The following GALNT17 variants were observed in gnomAD, a reference collection of about 807,000 sequenced individuals.
GALNT17 encodes polypeptide N-acetylgalactosaminyltransferase 17.
In GALNT17, 29 loss-of-function variants were observed where a neutral mutation model predicts 63.7. The ratio of observed to expected loss-of-function variants is 0.46; its 90% CI spans 0.34 to 0.62. The LOEUF (loss-of-function observed/expected upper bound fraction) is 0.62, where lower values mean the gene tolerates loss of function less well. Ranked by LOEUF, GALNT17 falls within the 20% of genes least tolerant of loss-of-function variation. The pLI, the probability that GALNT17 is intolerant of heterozygous loss-of-function variation, is 0.01. For missense variants in GALNT17, 603 were observed against 799.6 expected (o/e 0.75, Z 2.97); for synonymous variants, 305 against 318.3 (o/e 0.96, Z 0.45).
chr7:71,253,578 C>T (rs182017227), intron 1 of GALNT17, among the ~76,000 whole-genome samples: 11 of 150,990 alleles, frequency 7.3e-5, no homozygotes, highest in African/African-American at 1.7e-4. Flanking sequence ...TAAATATAGA[C>T]GTCCCCAAAC....
At chr7:71,476,983 G>A (rs770023772) in intron 5 of GALNT17, among the ~76,000 whole-genome samples, 7 of 152,230 alleles carry the variant, frequency 4.6e-5, no homozygotes, top group Non-Finnish European at 7.4e-5. Context: ...GGTGGATCTC[G>A]TGGTGTTACC....
chr7:71,362,727 T>G (rs1436611623), intron 2 of GALNT17, among the ~76,000 whole-genome samples: 2 of 152,108 alleles, frequency 1.3e-5, no homozygotes, highest in Admixed American at 1.3e-4. Flanking sequence ...TTTGTGTATA[T>G]TTTTACGGGA....
At chr7:71,284,154 G>A (rs1189167108) in intron 1 of GALNT17, 1 of 152,994 alleles carries the variant, frequency 6.5e-6, no homozygotes, top group East Asian at 1.9e-4. Context: ...CGCCGCCTTT[G>A]AGATGTAACA....
chr7:71,528,458 C>G (rs1584027504), intron 5 of GALNT17, among the ~76,000 whole-genome samples: 1 of 152,226 alleles, frequency 6.6e-6, no homozygotes, highest in Non-Finnish European at 1.5e-5. Context: ...TGCCCATGTT[C>G]CATGTCATCT....
chr7:71,285,174 AT>A (rs1165585456), intron 1 of GALNT17, among the ~76,000 whole-genome samples: 16 of 152,202 alleles, frequency 1.1e-4, no homozygotes, highest in African/African-American at 3.6e-4. Flanking sequence ...TAACTACCGA[AT>A]ACACCTTTCT....
At chr7:71,395,421 C>A (rs1160138512) in intron 3 of GALNT17, among the ~76,000 whole-genome samples, 1 of 152,042 alleles carries the variant, frequency 6.6e-6, no homozygotes, top group Non-Finnish European at 1.5e-5. Context: ...GTACTTCATT[C>A]TTTTTATGAC....
chr7:71,199,584 C>T (rs116313648), intron 1 of GALNT17, among the ~76,000 whole-genome samples: 3,662 of 144,348 alleles, frequency 0.025, 188 homozygotes, highest in African/African-American at 0.09. Flanking sequence ...CCCTTCTGCT[C>T]ATTAATCCAT....
intron 1 of GALNT17, among the ~76,000 whole-genome samples, chr7:71,289,873 C>T (rs1263017024): frequency 2.1e-5 from 3 of 145,610 alleles, no homozygotes; most frequent in East Asian, 2.2e-4. Context: ...GAGCAAAACC[C>T]CGTCTCAAAA....
At chr7:71,410,895 A>G (rs1434764906) in intron 3 of GALNT17, among the ~76,000 whole-genome samples, 1 of 152,192 alleles carries the variant, frequency 6.6e-6, no homozygotes, top group African/African-American at 2.4e-5. Context: ...TAAAAAACAC[A>G]ATGGTTCCCA....
chr7:71,437,547 C>T (rs934202916), intron 5 of GALNT17, among the ~76,000 whole-genome samples: 12 of 152,150 alleles, frequency 7.9e-5, no homozygotes, highest in African/African-American at 2.7e-4. Context: ...GTCGGCTCTG[C>T]GTGGCCGTCC....
chr7:71,674,663 A>G (rs1791121367), intron 8 of GALNT17, among the ~76,000 whole-genome samples: 1 of 151,976 alleles, frequency 6.6e-6, no homozygotes, highest in Admixed American at 6.6e-5. Flanking sequence ...CTACAAACAC[A>G]TGCCACCATG....
chr7:71,228,730 T>C (rs1338710667), intron 1 of GALNT17, among the ~76,000 whole-genome samples: 2 of 152,186 alleles, frequency 1.3e-5, no homozygotes, highest in East Asian at 3.9e-4. Context: ...TTCCCCTGCC[T>C]CCTTATAAAA....
intron 7 of GALNT17, among the ~76,000 whole-genome samples, chr7:71,665,973 G>A (rs916094344): frequency 2.6e-5 from 4 of 152,074 alleles, no homozygotes; most frequent in African/African-American, 9.7e-5. Context: ...CAGCTGCCCC[G>A]TATCATATGC....
chr7:71,347,432 T>G (rs1375794374), intron 2 of GALNT17, among the ~76,000 whole-genome samples: 1 of 152,150 alleles, frequency 6.6e-6, no homozygotes, highest in Non-Finnish European at 1.5e-5. Flanking sequence ...ATAATATACC[T>G]ATACATTTCA....
intron 1 of GALNT17, among the ~76,000 whole-genome samples, chr7:71,168,661 A>G (rs1447645945): frequency 2.0e-5 from 3 of 152,012 alleles, no homozygotes; most frequent in Non-Finnish European, 4.4e-5. Flanking sequence ...TTAATACTAT[A>G]GTCAAGCAAA....
intron 1 of GALNT17, among the ~76,000 whole-genome samples, chr7:71,202,349 GT>G: frequency 6.6e-6 from 1 of 152,196 alleles, no homozygotes; most frequent in East Asian, 1.9e-4. Context: ...ATCCATAACA[GT>G]TTTTTCAAGT....
intron 9 of GALNT17, among the ~76,000 whole-genome samples, chr7:71,684,045 A>T (rs896431944): frequency 2.0e-4 from 30 of 150,834 alleles, no homozygotes; most frequent in African/African-American, 7.3e-4. Flanking sequence ...ACCATCAAGG[A>T]TGCAGTAGCA....
At chr7:71,698,513 G>A (rs975970236) in intron 9 of GALNT17, among the ~76,000 whole-genome samples, 2 of 152,098 alleles carry the variant, frequency 1.3e-5, no homozygotes, top group African/African-American at 4.8e-5. Flanking sequence ...GGAAGCAGAT[G>A]TTAAGATATT....
intron 5 of GALNT17, among the ~76,000 whole-genome samples, chr7:71,460,957 T>A (rs1343458994): frequency 1.3e-5 from 2 of 152,194 alleles, no homozygotes; most frequent in African/African-American, 4.8e-5. Context: ...CTGTATCTTG[T>A]GCCAACCTCT....
Sources: gnomAD v4.1 joint callset for allele counts (sites outside exome capture counted in the v4.1 genomes callset) on GRCh38, gnomAD v4.1.1 for gene constraint, MANE v1.5 for transcripts, NCBI Gene and HGNC (gene_info 2026-07-23, HGNC 2026-07-21) for gene names.